Variants in GBGT1 observed in about 807,000 individuals in gnomAD.
GBGT1 encodes globoside alpha-1,3-N-acetylgalactosaminyltransferase 1.
A neutral mutation model predicts 20.9 loss-of-function variants in GBGT1; 18 were observed. The observed-to-expected ratio is 0.86, with a 90% CI of 0.60 to 1.28. The LOEUF (loss-of-function observed/expected upper bound fraction) is 1.28, where lower values mean the gene tolerates loss of function less well. Ranked by LOEUF, GBGT1 falls within the 50% of genes most tolerant of loss-of-function variation. The probability of loss-of-function intolerance (pLI) is 0.00; values close to 1 mark genes in which losing one functional copy is unlikely to be tolerated. For synonymous variants in GBGT1, 168 were observed against 180.8 expected, an observed-to-expected ratio of 0.93 and a Z score of 0.57; for missense variants, 432 against 455.7, an observed-to-expected ratio of 0.95 and a Z score of 0.47.
rs140587519 is a variant in GBGT1, at chr9:133,153,477, G to A, written c.*100C>T. On this transcript the variant is annotated 3_prime_UTR_variant, in exon 7 of 7. Coordinates refer to ENST00000372040, the MANE Select transcript of GBGT1 (RefSeq NM_021996.6). Reference sequence around the variant, plus strand: ...GTCCCTTTTCCGGTTGAATTCGCCTGACTGACAGGGAGGCGGGACAGGGCT... The same window carrying A: ...GTCCCTTTTCCGGTTGAATTCGCCTAACTGACAGGGAGGCGGGACAGGGCT... 4.9e-4 allele frequency: 415 copies of A among 839,342 alleles called. 1 individual carries two copies. The Middle Eastern group carries it at 7.7e-3, about 16-fold the overall frequency. The allele number at this position is 839,342 out of a possible 1,614,324, so 52.0% of individuals were successfully genotyped here. A position where few individuals can be genotyped will look rare whatever the true frequency, so the allele number is the denominator to read the frequency against.
At position 133,155,173 on chromosome 9, in the gene GBGT1, C is replaced by T. The variant is rs756192342; in HGVS notation, c.359+5G>A. 1.2e-6 allele frequency: 2 copies of T among 1,613,446 alleles called. No homozygotes were observed. Among genetic ancestry groups the T allele is most frequent in the South Asian group, 1.1e-5 (1 of 91,048 alleles). On this transcript the variant is annotated splice_donor_5th_base_variant and intron_variant, in intron 6 of 6. Transcript: ENST00000372040. ...CTCCCTCCCCTTCCCCAGCCCACTA[C>T]TCACTTCCCCACGGCAAACACCGTG...
At chr9:133,162,747 G>A (rs965847965) in intron 1 of GBGT1, among the ~76,000 whole-genome samples, 3 of 152,194 alleles carry the variant, frequency 2.0e-5, no homozygotes, top group Admixed American at 1.3e-4. Context: ...CTCCATGTTG[G>A]TCAGGCTGGT....
At chr9:133,156,629 C>T (rs1000961512) in intron 3 of GBGT1, among the ~76,000 whole-genome samples, 4 of 150,780 alleles carry the variant, frequency 2.7e-5, no homozygotes, top group African/African-American at 9.8e-5. Context: ...CATTGCACTA[C>T]AGCCTGTGTG....
chr9:133,157,230 G>A (rs997714164), intron 3 of GBGT1, among the ~76,000 whole-genome samples: 5 of 150,382 alleles, frequency 3.3e-5, no homozygotes, highest in Admixed American at 2.0e-4. Context: ...GCTGTAGTGA[G>A]CTGTAATCAC....
chr9:133,154,811 A>G lies in GBGT1; in HGVS notation c.359+367T>C, dbSNP rs1332157302. On this transcript the variant is annotated intron_variant, in intron 6 of 6. Coordinates refer to ENST00000372040, the MANE Select transcript of GBGT1 (RefSeq NM_021996.6). The surrounding 1 kb of genome is among the most constrained non-coding windows in gnomAD (Gnocchi z 4.2). ...AGGAAGTTCCAGGAAGGAGTCCCAG[A>G]GGCCCAGAGGAAGGCTGCCAAGCGG... The G allele has an allele frequency of 4.8e-6, 1 of 207,218 alleles. No homozygotes were observed. Among genetic ancestry groups the G allele is most frequent in the East Asian group, 1.1e-4 (1 of 8,916 alleles). The allele number at this position is 207,218 out of a possible 1,614,324, so 12.8% of individuals were successfully genotyped here.
chr9:133,153,553 C>T lies in GBGT1; in HGVS notation c.*24G>A, dbSNP rs779049856. On this transcript the variant is annotated 3_prime_UTR_variant, in exon 7 of 7. Transcript: ENST00000372040. ...TGGCTGCAGGTCTTTGGGTCCCCATCCATGGCAACCCCCAGCTCCGTGGTC... is the reference window on the plus strand; with the variant it reads ...TGGCTGCAGGTCTTTGGGTCCCCATTCATGGCAACCCCCAGCTCCGTGGTC... The T allele has an allele frequency of 2.0e-6, 3 of 1,494,632 alleles. No homozygotes were observed. Among genetic ancestry groups the T allele is most frequent in the African/African-American group, 2.8e-5 (2 of 71,298 alleles). The allele number at this position is 1,494,632 out of a possible 1,614,324, so 92.6% of individuals were successfully genotyped here.
At chr9:133,157,434 G>A (rs1015838732) in intron 3 of GBGT1, among the ~76,000 whole-genome samples, 1 of 152,176 alleles carries the variant, frequency 6.6e-6, no homozygotes, top group East Asian at 1.9e-4. Context: ...CCTCTTACTG[G>A]TTCTGTTTCT....
In GBGT1 at chr9:133,153,859, G is replaced by C; in HGVS notation, c.762C>G (p.Ser254Arg). 1 of 1,599,262 alleles carries C rather than the reference G, an allele frequency of 6.3e-7. No individual in the cohort carries two copies. Among genetic ancestry groups the C allele is most frequent in the Middle Eastern group, 1.7e-4 (1 of 6,014 alleles). The change falls in exon 7 of 7, where the codon AGC becomes AGG. Residue 254 changes from serine to arginine, a missense_variant. Transcript: ENST00000372040. ...CCCCACCATAATAGAAGTCCCCTTC[G>C]CTGTCTGCCACAAAGGCAGTGGAAA... ...RRVSTAFVAD[S>R]EGDFYYGGAV... is the part of the protein sequence containing the mutation.
chr9:133,155,481 T>A, intron 5 of GBGT1, 169 bp from the exon 6 acceptor site: 1 of 726,840 alleles, frequency 1.4e-6, no homozygotes, highest in Non-Finnish European at 2.2e-6. Context: ...CCCAGCAGGG[T>A]TGGGAGTACC....
chr9:133,160,085 G>A (rs1832991873), intron 3 of GBGT1: 3 of 245,766 alleles, frequency 1.2e-5, no homozygotes, highest in Non-Finnish European at 1.8e-5. Context: ...GCCGAAGGGG[G>A]CAAAGACCAA....
intron 3 of GBGT1, among the ~76,000 whole-genome samples, chr9:133,159,413 G>A (rs1245370021): frequency 3.3e-5 from 5 of 152,224 alleles, no homozygotes; most frequent in African/African-American, 1.2e-4. Context: ...GTACCAAACA[G>A]CCCAGCATTC....
chr9:133,155,974 C>G (rs746391395), intron 4 of GBGT1, 38 bp from the exon 5 acceptor site: 21 of 1,613,866 alleles, frequency 1.3e-5, no homozygotes, highest in Non-Finnish European at 1.8e-5. Context: ...GGAGAGCCAC[C>G]ACCCTCACGG....
At chr9:133,159,651 A>C (rs1832973622) in intron 3 of GBGT1, among the ~76,000 whole-genome samples, 1 of 151,944 alleles carries the variant, frequency 6.6e-6, no homozygotes. Context: ...AAAATTAGCT[A>C]GGAGGTGTGG....
chr9:133,162,890 C>T (rs970002661), intron 1 of GBGT1, among the ~76,000 whole-genome samples: 10 of 152,214 alleles, frequency 6.6e-5, no homozygotes, highest in Admixed American at 6.5e-4. Flanking sequence ...TGCCCTCCCT[C>T]GGTCACCCAC....
chr9:133,155,152 CT>C, intron 6 of GBGT1, 25 bp downstream of exon 6: 1 of 1,607,552 alleles, frequency 6.2e-7, no homozygotes, highest in Non-Finnish European at 8.5e-7. Flanking sequence ...GGAGACCTCC[CT>C]CCCCTTCCCC....
chr9:133,162,926 G>A (rs955895623), intron 1 of GBGT1, among the ~76,000 whole-genome samples: 2 of 152,220 alleles, frequency 1.3e-5, no homozygotes, highest in Admixed American at 6.5e-5. Flanking sequence ...TCTAGGTCCC[G>A]CTGGACCCCG....
rs200911714 is a variant in GBGT1 at position 133,153,733 on chromosome 9, C to T, written c.888G>A (p.Arg296=). ...AGTGACGGTTCAGGTGGCTTTCCTC[C>T]CGCCAGGCAGCCATGATGCCATTGG... is the stretch of plus-strand genomic sequence containing the variant. ...DKANGIMAAW[R]EESHLNRHFI... is the part of the protein sequence containing the mutation. Residue 296 remains arginine, a synonymous_variant, in exon 7 of 7, where the codon CGG becomes CGA. Transcript: ENST00000372040. 7.0e-5 allele frequency: 113 copies of T among 1,613,570 alleles called. No homozygotes were observed. The highest frequency in any genetic ancestry group is 9.3e-5 in the Non-Finnish European group (110 of 1,179,842).
In GBGT1 at chr9:133,154,385, C is replaced by G; in HGVS notation, c.360-124G>C. The stretch of plus-strand genomic sequence containing the variant: ...CCCCATCTCAAGATGTCACTCTGCT[C>G]TGGCCCTCTGGGTCCTCATTTGTCC... On this transcript the variant is annotated intron_variant, in intron 6 of 6. Coordinates refer to ENST00000372040, the MANE Select transcript of GBGT1 (RefSeq NM_021996.6). The surrounding 1 kb of genome is among the most constrained non-coding windows in gnomAD (Gnocchi z 4.2). The G allele has an allele frequency of 1.8e-6, 1 of 549,308 alleles. No individual in the cohort carries two copies. Among genetic ancestry groups the G allele is most frequent in the Non-Finnish European group, 3.2e-6 (1 of 314,808 alleles). The allele number at this position is 549,308 out of a possible 1,614,324, so 34.0% of individuals were successfully genotyped here.
intron 1 of GBGT1, 25 bp from the exon 2 acceptor site, chr9:133,162,557 T>C: frequency 1.5e-6 from 1 of 680,020 alleles, no homozygotes; most frequent in Non-Finnish European, 2.7e-6. Flanking sequence ...TTTTGTTGTT[T>C]TGAGATAGAG....
Sources: allele counts gnomAD v4.1 joint callset (sites outside exome capture counted in the v4.1 genomes callset), GRCh38; gene constraint gnomAD v4.1.1; non-coding constraint Gnocchi (gnomAD v3.1); transcripts MANE v1.5; gene names NCBI Gene and HGNC (gene_info 2026-07-23, HGNC 2026-07-21).